Variants in FAN1 observed in about 807,000 individuals in gnomAD.
The protein encoded by FAN1 is FANCD2 and FANCI associated nuclease 1.
FAN1 carries 91 observed loss-of-function variants against 104.9 expected under a neutral mutation model. The observed-to-expected ratio is 0.87, with a 90% CI of 0.73 to 1.03. FAN1 has a LOEUF of 1.03. FAN1 is among the 50% of genes least tolerant of loss of function. The pLI is 0.00. For synonymous variants in FAN1, 478 were observed against 457.6 expected (o/e 1.04, Z -0.57); for missense variants, 1,263 against 1,239.9 (o/e 1.02, Z -0.28).
At chr15:30,906,362 A>T (rs908922640) in intron 2 of FAN1, 27 of 457,344 alleles carry the variant, frequency 5.9e-5, no homozygotes, top group Non-Finnish European at 9.7e-5. Flanking sequence ...TCTCCCAACA[A>T]CATTTTAGAT....
intron 14 of FAN1, chr15:30,940,545 G>A: frequency 2.0e-6 from 2 of 985,496 alleles, no homozygotes; most frequent in Non-Finnish European, 2.4e-6. Flanking sequence ...AAATACTGAT[G>A]GCCAAGCCCA....
chr15:30,911,244 C>T (rs765799972), intron 4 of FAN1: 1 of 990,088 alleles, frequency 1.0e-6, no homozygotes, highest in Non-Finnish European at 1.2e-6. Flanking sequence ...CTGTGAGTGG[C>T]TTCTTTTGTC....
At position 30,905,294 on chromosome 15, in the gene FAN1, C is replaced by A. The variant is rs762769712; in HGVS notation, c.631C>A (p.Gln211Lys). The change falls in exon 2 of 15, where the codon CAA (glutamine) becomes AAA (lysine). Residue 211 changes from glutamine (Q) to lysine (K), a missense_variant. Coordinates refer to ENST00000362065, the MANE Select transcript of FAN1 (RefSeq NM_014967.5). The part of the protein sequence containing the change: ...DEDQILENSS[Q>K]KENVFKCDSL... ...GGATCAAATTTTGGAGAACAGTTCTCAAAAAGAAAACGTGTTTAAATGTGA... is the reference window on the plus strand; with the variant it reads ...GGATCAAATTTTGGAGAACAGTTCTAAAAAAGAAAACGTGTTTAAATGTGA... 1.2e-6 allele frequency: 2 copies of A among 1,613,850 alleles called. No individual in the cohort carries two copies. The highest frequency in any genetic ancestry group is 2.7e-5 in the African/African-American group (2 of 74,974).
intron 6 of FAN1, among the ~76,000 whole-genome samples, chr15:30,920,224 A>G (rs549196247): frequency 1.3e-5 from 2 of 152,354 alleles, no homozygotes; most frequent in African/African-American, 4.8e-5. Flanking sequence ...TTTATTAACA[A>G]TTTAAAAACA....
intron 10 of FAN1, chr15:30,926,573 G>A (rs1180261187): frequency 3.1e-6 from 3 of 970,020 alleles, no homozygotes; most frequent in Admixed American, 1.2e-4. Flanking sequence ...GATGAGTGTT[G>A]AGATTCATCT....
chr15:30,922,061 A>G (rs774651108), intron 7 of FAN1, among the ~76,000 whole-genome samples, 174 bp from the exon 8 acceptor site: 23 of 152,036 alleles, frequency 1.5e-4, no homozygotes, highest in Non-Finnish European at 7.4e-5. Context: ...ACTCATGCCC[A>G]CTCCAGAAGG....
rs1324357957 is a variant in FAN1, at chr15:30,916,178, C to T, written c.1812-1986C>T. On this transcript the variant is annotated intron_variant, in intron 5 of 14. Transcript: ENST00000362065. The stretch of plus-strand genomic sequence containing the variant: ...TTCAGTTGTCTCATATCTTTTTTAC[C>T]TTTTTTGTTTTTACTGGCTTTACGC... Among the ~76,000 whole-genome samples the T allele has an allele frequency of 2.0e-5, 3 of 151,926 alleles. No individual in the cohort carries two copies. The East Asian group carries it at 5.8e-4, about 29-fold the overall frequency.
At chr15:30,914,928 C>G (rs1257665030) in intron 5 of FAN1, among the ~76,000 whole-genome samples, 1 of 152,098 alleles carries the variant, frequency 6.6e-6, no homozygotes, top group Non-Finnish European at 1.5e-5. Context: ...GTAGAACTAC[C>G]ATGTGATCCA....
chr15:30,939,395 GT>G, intron 14 of FAN1: 1 of 985,444 alleles, frequency 1.0e-6, no homozygotes, highest in African/African-American at 1.7e-5. Flanking sequence ...CACCACTGCT[GT>G]CACCACATGT....
intron 6 of FAN1, among the ~76,000 whole-genome samples, chr15:30,920,339 A>G (rs376307250): frequency 6.6e-5 from 10 of 152,230 alleles, no homozygotes; most frequent in African/African-American, 2.2e-4. Flanking sequence ...ATGAGTTCTC[A>G]TCTTACTCCA....
At position 30,929,833 on chromosome 15, in the gene FAN1, ATAT is replaced by A. The variant is rs1267861384; in HGVS notation, c.2787+437_2787+439del. 7.1e-3 allele frequency among the ~76,000 whole-genome samples: 467 copies of A among 65,844 alleles called. 61 individuals are homozygous for A. Among genetic ancestry groups the A allele is most frequent in the African/African-American group, 0.011 (123 of 11,380 alleles). 43.2% of individuals were successfully genotyped at this position (65,844 alleles called of 152,430 possible). On this transcript the variant is annotated intron_variant, in intron 12 of 14. Coordinates refer to ENST00000362065, the MANE Select transcript of FAN1 (RefSeq NM_014967.5). Reference sequence around the variant, plus strand: ...TATATAATATATTATATCATATATAATATAATATATAAAATATATATCATATAT... The same window carrying A: ...TATATAATATATTATATCATATATAAAATATATAAAATATATATCATATAT...
chr15:30,942,902 A>AAAAG lies in FAN1; in HGVS notation c.*1342_*1345dup. On this transcript the variant is annotated 3_prime_UTR_variant, in exon 15 of 15. Coordinates refer to ENST00000362065, the MANE Select transcript of FAN1 (RefSeq NM_014967.5). ...AGCTGTGATTTACCTTTGTCCGTTT[A>AAAAG]AAAGACTTCACGGAGCCATTCTGTA... The AAAAG allele has an allele frequency of 6.4e-7, 1 of 1,563,766 alleles. No individual in the cohort carries two copies. The highest frequency in any genetic ancestry group is 8.7e-7 in the Non-Finnish European group (1 of 1,152,918).
Position 30,928,614 on chromosome 15 carries a change from C to T in FAN1, c.2550C>T (p.Ile850=). Reference sequence around the variant, plus strand: ...ATGGCCTCCTCCTGTGGGACATCATCTTCATGGATGGGATTCCGGATGTCT... The same window carrying T: ...ATGGCCTCCTCCTGTGGGACATCATTTTCATGGATGGGATTCCGGATGTCT... ...TLYGLLLWDI[I]FMDGIPDVFR... Residue 850 remains isoleucine (I), a synonymous_variant, in exon 11 of 15, where the codon ATC becomes ATT. Transcript: ENST00000362065. 6.2e-7 allele frequency: 1 copy of T among 1,613,196 alleles called. No individual in the cohort carries two copies. The highest frequency in any genetic ancestry group is 8.5e-7 in the Non-Finnish European group (1 of 1,179,792).
intron 12 of FAN1, 58 bp from the exon 13 acceptor site, chr15:30,930,485 C>G (rs978531185): frequency 6.5e-7 from 1 of 1,543,798 alleles, no homozygotes; most frequent in African/African-American, 1.4e-5. Context: ...ATCCCTGGAG[C>G]CTATTTCCAT....
At chr15:30,926,047 C>A in intron 10 of FAN1, 108 bp downstream of exon 10, 1 of 1,130,082 alleles carries the variant, frequency 8.8e-7, no homozygotes, top group Non-Finnish European at 1.3e-6. Context: ...CCTCTGCTCA[C>A]AGTGGAAGAT....
intron 4 of FAN1, chr15:30,911,051 C>T (rs1046039979): frequency 1.6e-6 from 2 of 1,244,386 alleles, no homozygotes; most frequent in African/African-American, 1.5e-5. Context: ...AGGCAATAGG[C>T]CTTTGGTAAA....
Position 30,908,254 on chromosome 15 carries a change from G to A in FAN1, c.1371G>A (p.Gln457=). 1.2e-6 allele frequency: 2 copies of A among 1,602,564 alleles called. No homozygotes were observed. The highest frequency in any genetic ancestry group is 4.5e-5 in the East Asian group (2 of 44,538). ...AATTGACGAATGCAGGCTTTCTACA[G>A]ACAGGTATGACTAGTAGAAGGAGAT... ...IEELTNAGFL[Q]TESELQELSE... is the part of the protein sequence containing the mutation. The change falls in exon 3 of 15, where the codon CAG becomes CAA. Residue 457 remains glutamine, a synonymous_variant. Transcript: ENST00000362065.
intron 12 of FAN1, 46 bp downstream of exon 12, chr15:30,929,443 C>G: frequency 6.8e-7 from 1 of 1,465,396 alleles, no homozygotes; most frequent in South Asian, 1.3e-5. Flanking sequence ...AAGTTAACAC[C>G]GCCCCAGTGC....
chr15:30,931,779 TTGTC>T (rs1450907582), intron 13 of FAN1, among the ~76,000 whole-genome samples: 4 of 152,158 alleles, frequency 2.6e-5, no homozygotes, highest in African/African-American at 7.2e-5. Flanking sequence ...ATTGATCTGT[TTGTC>T]TGTATTTCTT....
Sources: gnomAD v4.1 joint callset for allele counts (sites outside exome capture counted in the v4.1 genomes callset) on GRCh38, gnomAD v4.1.1 for gene constraint, MANE v1.5 for transcripts, NCBI Gene and HGNC (gene_info 2026-07-23, HGNC 2026-07-21) for gene names.